ADAT1: variants seen among roughly 807,000 people sequenced by gnomAD.
ADAT1 encodes tRNA-specific adenosine deaminase 1.
In ADAT1, 58 loss-of-function variants were observed where a neutral mutation model predicts 58.6. The ratio of observed to expected loss-of-function variants is 0.99; its 90% confidence interval spans 0.80 to 1.23. ADAT1 has a LOEUF of 1.23. Among genes scored for constraint, ADAT1 ranks in the 50% most tolerant of loss-of-function variants. The pLI is 0.00. For synonymous variants in ADAT1, 254 were observed against 220.8 expected (o/e 1.15, Z -1.33); for missense variants, 741 against 608.6 (o/e 1.22, Z -2.29).
chr16:75,614,004 A>T (rs956383135), intron 5 of ADAT1, among the ~76,000 whole-genome samples: 3 of 152,080 alleles, frequency 2.0e-5, no homozygotes, highest in Non-Finnish European at 4.4e-5. Flanking sequence ...AGCCTGGCCA[A>T]TATGGTGAAA....
At position 75,619,803 on chromosome 16, in the gene ADAT1, C is replaced by A. The variant is rs541952917; in HGVS notation, c.238+463G>T. 6.8e-5 allele frequency: 23 copies of A among 339,160 alleles called. No individual in the cohort carries two copies. The East Asian group carries it at 1.9e-3, about 28-fold the overall frequency. 21.0% of individuals were successfully genotyped at this position (339,160 alleles called of 1,614,324 possible). A position where few individuals can be genotyped will look rare whatever the true frequency, so the allele number is the denominator to read the frequency against. ...TGGGTGCCTGCTGAGGCAGGAGAAT[C>A]GCTTAAACCCAGGAAGGGGAGGTTG... On this transcript the variant is annotated intron_variant, in intron 3 of 9. Coordinates refer to ENST00000564657, the MANE Select transcript of ADAT1 (RefSeq NM_001324445.2).
chr16:75,612,826 C>G lies in ADAT1; in HGVS notation c.460G>C (p.Glu154Gln). 6.2e-7 allele frequency: 1 copy of G among 1,613,958 alleles called. No individual in the cohort carries two copies. Among genetic ancestry groups the G allele is most frequent in the Non-Finnish European group, 8.5e-7 (1 of 1,179,984 alleles). ...AAGACAGGACAGCAAGGCTGATCTT[C>G]AAACTCAAGCATCGGAATGATGGAG... The part of the protein sequence containing the change: ...DASIIPMLEF[E>Q]DQPCCPVFRN... The change falls in exon 6 of 10, where the codon GAA becomes CAA. Residue 154 changes from glutamate to glutamine, a missense_variant. Physicochemically the swap from Glu to Gln is conservative, Grantham distance 29. Transcript: ENST00000564657.
At chr16:75,612,994 T>A in intron 5 of ADAT1, 133 bp from the exon 6 acceptor site, 1 of 1,115,318 alleles carries the variant, frequency 9.0e-7, no homozygotes, top group Non-Finnish European at 1.3e-6. Flanking sequence ...AATCAGAAAC[T>A]CCGGAGGCAG....
Position 75,598,165 on chromosome 16 carries a change from C to G in ADAT1, c.*2051G>C. 4.4e-6 allele frequency: 1 copy of G among 228,444 alleles called. No homozygotes were observed. Among genetic ancestry groups the G allele is most frequent in the South Asian group, 3.8e-5 (1 of 26,210 alleles). 14.2% of individuals were successfully genotyped at this position (228,444 alleles called of 1,614,324 possible). On this transcript the variant is annotated 3_prime_UTR_variant, in exon 10 of 10. Transcript: ENST00000564657. Reference sequence around the variant, plus strand: ...GATCCTGGCTCACTGCAACCTCCACCTCCTGGGTTTGAGAGATTCTTCTGC... The same window carrying G: ...GATCCTGGCTCACTGCAACCTCCACGTCCTGGGTTTGAGAGATTCTTCTGC...
Position 75,623,210 on chromosome 16 carries a change from C to T in ADAT1, c.-829G>A, listed in dbSNP as rs112767881. On this transcript the variant is annotated 5_prime_UTR_variant, in exon 1 of 10. Coordinates refer to ENST00000564657, the MANE Select transcript of ADAT1 (RefSeq NM_001324445.2). ...CCCGGATAAACCTGCCCCGTCGCCCCAGCGCCTCGCGGACGCTCCCCTCCC... is the reference window on the plus strand; with the variant it reads ...CCCGGATAAACCTGCCCCGTCGCCCTAGCGCCTCGCGGACGCTCCCCTCCC... 4,552 of 152,446 alleles carry T rather than the reference C, an allele frequency of 0.03. 100 individuals are homozygous for T. Among genetic ancestry groups the T allele is most frequent in the Middle Eastern group, 0.065 (19 of 294 alleles). The allele number at this position is 152,446 out of a possible 1,614,324, so 9.4% of individuals were successfully genotyped here. A position where few individuals can be genotyped will look rare whatever the true frequency, so the allele number is the denominator to read the frequency against.
chr16:75,620,673 G>C lies in ADAT1; in HGVS notation c.127C>G (p.Pro43Ala). 4.3e-6 allele frequency: 7 copies of C among 1,613,870 alleles called. No homozygotes were observed. The highest frequency in any genetic ancestry group is 5.1e-6 in the Non-Finnish European group (6 of 1,180,024). ...GGGGTGTCGCAGGCCTTGTCAGCTG[G>C]AGATTGTATCTTCACCACCGCTGCC... ...LLAAVVKIQS[P>A]ADKACDTPDK... is the part of the protein sequence containing the mutation. Residue 43 changes from proline (P) to alanine (A), a missense_variant, in exon 2 of 10, where the codon CCA (proline) becomes GCA (alanine). Physicochemically the swap from Pro to Ala is conservative, Grantham distance 27 (BLOSUM62 -1). Coordinates refer to ENST00000564657, the MANE Select transcript of ADAT1 (RefSeq NM_001324445.2).
chr16:75,619,571 T>G (rs375482158), intron 3 of ADAT1: 2 of 452,932 alleles, frequency 4.4e-6, no homozygotes, highest in Non-Finnish European at 8.9e-6. Flanking sequence ...CCCCCAGATC[T>G]CTAAGGAATT....
At chr16:75,620,173 C>A in intron 3 of ADAT1, 93 bp downstream of exon 3, 1 of 1,256,978 alleles carries the variant, frequency 8.0e-7, no homozygotes. Flanking sequence ...CCATGCACCT[C>A]AACTGACATG....
Position 75,612,328 on chromosome 16 carries a change from G to A in ADAT1, c.958C>T (p.Leu320=). The stretch of plus-strand genomic sequence containing the variant: ...GCTGACAGGTAGATGGGCTCTTCCA[G>A]CAAGTGCATCAACAGTGCCCCTTGG... ...GCQGALLMHL[L]EEPIYLSAVV... Residue 320 remains leucine, a synonymous_variant, in exon 6 of 10, where the codon CTG becomes TTG. Coordinates refer to ENST00000564657, the MANE Select transcript of ADAT1 (RefSeq NM_001324445.2). The A allele has an allele frequency of 6.2e-7, 1 of 1,614,162 alleles. No homozygotes were observed. The highest frequency in any genetic ancestry group is 8.5e-7 in the Non-Finnish European group (1 of 1,180,028).
intron 5 of ADAT1, among the ~76,000 whole-genome samples, chr16:75,613,868 G>A (rs1270639572): frequency 6.6e-6 from 1 of 152,116 alleles, no homozygotes; most frequent in Non-Finnish European, 1.5e-5. Context: ...AGATGCTTTG[G>A]AAAACAAAAG....
At chr16:75,600,719 G>A (rs1364853988) in intron 9 of ADAT1, among the ~76,000 whole-genome samples, 1 of 151,422 alleles carries the variant, frequency 6.6e-6, no homozygotes, top group African/African-American at 2.4e-5. Context: ...CTTTACTCAT[G>A]TCAATGAACC....
Position 75,618,579 on chromosome 16 carries a change from G to C in ADAT1, c.293+7C>G. 4.4e-6 allele frequency: 7 copies of C among 1,594,314 alleles called. No individual in the cohort carries two copies. Among genetic ancestry groups the C allele is most frequent in the Non-Finnish European group, 6.0e-6 (7 of 1,169,766 alleles). On this transcript the variant is annotated splice_region_variant and intron_variant, in intron 4 of 9. Coordinates refer to ENST00000564657, the MANE Select transcript of ADAT1 (RefSeq NM_001324445.2). Reference sequence around the variant, plus strand: ...TGCTGAACCATACTCTGGAGATGTGGCTTTACCTTTGGAAACTCCTTCTGG... The same window carrying C: ...TGCTGAACCATACTCTGGAGATGTGCCTTTACCTTTGGAAACTCCTTCTGG...
intron 3 of ADAT1, chr16:75,619,535 A>C (rs2081859591): frequency 2.3e-6 from 1 of 427,206 alleles, no homozygotes; most frequent in Non-Finnish European, 4.6e-6. Context: ...AAAAAAAAAA[A>C]AACCACTGAA....
rs1454533281 is a variant in ADAT1 at position 75,598,545 on chromosome 16, A to C, written c.*1671T>G. On this transcript the variant is annotated 3_prime_UTR_variant, in exon 10 of 10. Transcript: ENST00000564657. Reference sequence around the variant, plus strand: ...TTTTTTTTTTTTTTTTTGAGACAGGATCTCACTCTGTCACCCAGGCTGGAG... The same window carrying C: ...TTTTTTTTTTTTTTTTTGAGACAGGCTCTCACTCTGTCACCCAGGCTGGAG... Among the ~76,000 whole-genome samples the C allele has an allele frequency of 1.4e-5, 2 of 142,370 alleles. No homozygotes were observed. The highest frequency in any genetic ancestry group is 4.4e-4 in the South Asian group (2 of 4,530). The allele number at this position is 142,370 out of a possible 152,430, so 93.4% of individuals were successfully genotyped here.
At chr16:75,621,431 G>C (rs1358703996) in intron 1 of ADAT1, among the ~76,000 whole-genome samples, 1 of 151,972 alleles carries the variant, frequency 6.6e-6, no homozygotes, top group Non-Finnish European at 1.5e-5. Flanking sequence ...CAAATTAACT[G>C]TGATGCTGAA....
chr16:75,621,023 C>G (rs2081917454), intron 1 of ADAT1, among the ~76,000 whole-genome samples: 2 of 152,086 alleles, frequency 1.3e-5, no homozygotes, highest in Non-Finnish European at 2.9e-5. Flanking sequence ...CAAATTCTAC[C>G]AATCCCCAAA....
At chr16:75,605,965 C>T (rs922409244) in intron 8 of ADAT1, among the ~76,000 whole-genome samples, 16 of 149,716 alleles carry the variant, frequency 1.1e-4, no homozygotes, top group African/African-American at 3.9e-4. Flanking sequence ...AAAAAATCCC[C>T]AAATCCCAAA....
intron 5 of ADAT1, among the ~76,000 whole-genome samples, chr16:75,616,486 A>T (rs543478666): frequency 2.2e-4 from 34 of 152,288 alleles, no homozygotes; most frequent in African/African-American, 8.2e-4. Context: ...AGGGTGAGAA[A>T]ATTTTGCTGC....
At chr16:75,612,138 G>T in intron 6 of ADAT1, 105 bp downstream of exon 6, 2 of 1,240,776 alleles carry the variant, frequency 1.6e-6, no homozygotes, top group Non-Finnish European at 1.1e-6. Flanking sequence ...CCTGGAAGTG[G>T]AACTGCTGGA....
Sources: gnomAD v4.1 joint callset for allele counts (sites outside exome capture counted in the v4.1 genomes callset) on GRCh38, gnomAD v4.1.1 for gene constraint, MANE v1.5 for transcripts, NCBI Gene and HGNC (gene_info 2026-07-23, HGNC 2026-07-21) for gene names.